The following CATSPERD variants were observed in gnomAD, a reference collection of about 807,000 sequenced individuals.
CATSPERD encodes the protein cation channel sperm-associated auxiliary subunit delta.
In CATSPERD, 86 loss-of-function variants were observed where a neutral mutation model predicts 98.1. The ratio of observed to expected loss-of-function variants is 0.88; its 90% CI spans 0.74 to 1.05. The LOEUF (loss-of-function observed/expected upper bound fraction) is 1.05. Among genes scored for constraint, CATSPERD ranks in the 50% least tolerant of loss-of-function variants. The pLI, the probability that CATSPERD is intolerant of heterozygous loss-of-function variation, is 0.00. For synonymous variants in CATSPERD, 394 were observed against 390.2 expected (o/e 1.01, Z -0.12); for missense variants, 995 against 1,005.7 (o/e 0.99, Z 0.14).
intron 20 of CATSPERD, among the ~76,000 whole-genome samples, 188 bp downstream of exon 20, chr19:5,773,153 A>G (rs918733964): frequency 6.6e-6 from 1 of 152,092 alleles, no homozygotes; most frequent in Non-Finnish European, 1.5e-5. Context: ...GGAGTTTGAG[A>G]CCAGCCTGGC....
intron 20 of CATSPERD, among the ~76,000 whole-genome samples, chr19:5,774,205 A>C (rs2056700646): frequency 6.6e-6 from 1 of 151,042 alleles, no homozygotes; most frequent in South Asian, 2.1e-4. Flanking sequence ...TGACCTTGTG[A>C]TCCGCCCGCC....
chr19:5,739,477 T>C (rs754118836), intron 7 of CATSPERD, 38 bp downstream of exon 7: 28 of 1,152,558 alleles, frequency 2.4e-5, no homozygotes, highest in Admixed American at 1.3e-4. Context: ...AATAAATACA[T>C]ATGTACCTTG....
At chr19:5,728,513 C>T (rs1030196485) in intron 3 of CATSPERD, among the ~76,000 whole-genome samples, 1 of 151,678 alleles carries the variant, frequency 6.6e-6, no homozygotes, top group African/African-American at 2.4e-5. Flanking sequence ...GCCATGAGCA[C>T]ACCATTGTAC....
intron 2 of CATSPERD, among the ~76,000 whole-genome samples, 184 bp from the exon 3 acceptor site, chr19:5,727,084 A>G (rs1455054671): frequency 6.6e-6 from 1 of 151,980 alleles, no homozygotes; most frequent in Non-Finnish European, 1.5e-5. Flanking sequence ...AGTCCCAGCT[A>G]CTCGGGAGGC....
intron 3 of CATSPERD, among the ~76,000 whole-genome samples, 154 bp downstream of exon 3, chr19:5,727,498 G>A (rs1237008994): frequency 1.3e-5 from 2 of 152,268 alleles, no homozygotes; most frequent in East Asian, 3.9e-4. Flanking sequence ...GCTGGAATTG[G>A]AGGAAGGGAA....
chr19:5,769,694 T>C (rs1024160540), intron 18 of CATSPERD, among the ~76,000 whole-genome samples: 4 of 152,096 alleles, frequency 2.6e-5, no homozygotes, highest in African/African-American at 9.7e-5. Flanking sequence ...GGCAGTGACT[T>C]TGGAACCTGC....
rs142718323 is a variant in CATSPERD at position 5,728,553 on chromosome 19, G to A, written c.203+1209G>A. The stretch of plus-strand genomic sequence containing the variant: ...TCTGGATGTCTGGATGACAGAGACC[G>A]TCTCTGTCATCAACAGCTCTTTTAT... On this transcript the variant is annotated intron_variant, in intron 3 of 21. Transcript: ENST00000381624. Among the ~76,000 whole-genome samples the A allele has an allele frequency of 4.0e-3, 612 of 151,474 alleles. 5 individuals are homozygous for A. The highest frequency in any genetic ancestry group is 0.014 in the African/African-American group (584 of 41,284).
intron 3 of CATSPERD, among the ~76,000 whole-genome samples, chr19:5,729,495 G>A (rs1458447783): frequency 6.6e-6 from 1 of 152,116 alleles, no homozygotes; most frequent in African/African-American, 2.4e-5. Flanking sequence ...TTCATGGATG[G>A]CCTTTTCCTA....
intron 17 of CATSPERD, among the ~76,000 whole-genome samples, chr19:5,766,481 T>G (rs2056541520): frequency 6.7e-6 from 1 of 149,654 alleles, no homozygotes. Context: ...AAAGTAAGTA[T>G]GTTGATATTG....
intron 12 of CATSPERD, chr19:5,753,762 A>G (rs1349012723): frequency 8.2e-6 from 2 of 244,736 alleles, no homozygotes; most frequent in African/African-American, 4.5e-5. Context: ...AGTCCTGGCT[A>G]CTTGGGAGGC....
chr19:5,754,390 T>G, intron 13 of CATSPERD, 145 bp downstream of exon 13: 2 of 456,118 alleles, frequency 4.4e-6, no homozygotes, highest in Non-Finnish European at 4.0e-6. Flanking sequence ...ATTGTCTCTG[T>G]GTCTTTTTTT....
chr19:5,743,195 C>T (rs1184066188), intron 7 of CATSPERD, among the ~76,000 whole-genome samples: 2 of 151,772 alleles, frequency 1.3e-5, no homozygotes, highest in Admixed American at 1.3e-4. Flanking sequence ...CCCAGCTACT[C>T]GGGAGGCTGA....
intron 4 of CATSPERD, among the ~76,000 whole-genome samples, 174 bp from the exon 5 acceptor site, chr19:5,733,682 C>G (rs576116031): frequency 5.3e-5 from 8 of 152,120 alleles, no homozygotes; most frequent in African/African-American, 1.9e-4. Context: ...GTCTCAAACT[C>G]CTGACCTCGG....
At chr19:5,738,461 G>T (rs747567570) in intron 6 of CATSPERD, among the ~76,000 whole-genome samples, 1 of 152,016 alleles carries the variant, frequency 6.6e-6, no homozygotes, top group African/African-American at 2.4e-5. Context: ...GAGCCCAGAA[G>T]GCGCAGGTTA....
intron 1 of CATSPERD, 122 bp from the exon 2 acceptor site, chr19:5,724,686 G>A: frequency 1.0e-6 from 1 of 959,366 alleles, no homozygotes; most frequent in Non-Finnish European, 1.7e-6. Flanking sequence ...GCGACAGAGT[G>A]AGACTCCGTC....
chr19:5,753,261 T>G (rs1222385535), intron 12 of CATSPERD, among the ~76,000 whole-genome samples: 1 of 151,616 alleles, frequency 6.6e-6, no homozygotes, highest in Admixed American at 6.6e-5. Context: ...AGCTCTACTC[T>G]AAAGAAACAG....
intron 13 of CATSPERD, among the ~76,000 whole-genome samples, chr19:5,756,016 C>A (rs1473334544): frequency 1.3e-5 from 2 of 151,928 alleles, no homozygotes; most frequent in Non-Finnish European, 2.9e-5. Flanking sequence ...CGCGGTGGCT[C>A]ACGCCTGTAA....
intron 17 of CATSPERD, among the ~76,000 whole-genome samples, chr19:5,767,417 T>G (rs1366883722): frequency 6.6e-6 from 1 of 151,426 alleles, no homozygotes. Flanking sequence ...TCTCAGGTTT[T>G]TTTTTTTTTC....
intron 1 of CATSPERD, among the ~76,000 whole-genome samples, chr19:5,724,524 C>G (rs572896811): frequency 6.6e-6 from 1 of 152,064 alleles, no homozygotes; most frequent in South Asian, 2.1e-4. Context: ...GTGGTGAAAC[C>G]CTATCTCTAC....
Sources: gnomAD v4.1 joint callset for allele counts (sites outside exome capture counted in the v4.1 genomes callset) on GRCh38, gnomAD v4.1.1 for gene constraint, MANE v1.5 for transcripts, NCBI Gene and HGNC (gene_info 2026-07-23, HGNC 2026-07-21) for gene names.